The following COMMD1 variants were observed in gnomAD, a reference collection of about 807,000 sequenced individuals.
The protein encoded by COMMD1 is COMM domain-containing protein 1.
Under a neutral mutation model 17.2 loss-of-function variants are expected in COMMD1, and 10 were observed. The ratio of observed to expected loss-of-function variants is 0.58; its 90% confidence interval spans 0.36 to 0.99. The LOEUF is 0.99. Among genes scored for constraint, COMMD1 ranks in the 50% least tolerant of loss-of-function variants. COMMD1 has a pLI of 0.01. For synonymous variants in COMMD1, 97 were observed against 91.6 expected (o/e 1.06, Z -0.34); for missense variants, 270 against 231.8 (o/e 1.17, Z -1.07).
chr2:62,041,039 T>C (rs1264428845), intron 2 of COMMD1, among the ~76,000 whole-genome samples: 2 of 152,174 alleles, frequency 1.3e-5, no homozygotes, highest in African/African-American at 2.4e-5. Flanking sequence ...ACTGTTTTCC[T>C]CTTCACACTG....
Position 62,018,671 on chromosome 2 carries a change from G to C in COMMD1, c.462+17689G>C, listed in dbSNP as rs553806454. 3.3e-4 allele frequency among the ~76,000 whole-genome samples: 51 copies of C among 152,330 alleles called. 1 individual carries two copies. The South Asian group carries it at 0.01, about 30-fold the overall frequency. Reference sequence around the variant, plus strand: ...TGTACATTATGAAATGACCTTGACAGTCTTGAAGAATACTAGCCAAGTATC... The same window carrying C: ...TGTACATTATGAAATGACCTTGACACTCTTGAAGAATACTAGCCAAGTATC... On this transcript the variant is annotated intron_variant, in intron 2 of 2. Transcript: ENST00000311832.
At position 61,908,352 on chromosome 2, in the gene COMMD1, G is replaced by A. The variant is rs549546039; in HGVS notation, c.180+2494G>A. Among the ~76,000 whole-genome samples, 282 of 150,240 alleles carry A rather than the reference G, an allele frequency of 1.9e-3. 1 individual carries two copies. The highest frequency in any genetic ancestry group is 0.01 in the Middle Eastern group (3 of 292). On this transcript the variant is annotated intron_variant, in intron 1 of 2. Coordinates refer to ENST00000311832, the MANE Select transcript of COMMD1 (RefSeq NM_152516.4). ...AGTGATTCTCCTGCCTCAGCCTCCC[G>A]AGTAGCTGGGACTGCAGGCATGCAC... is the stretch of plus-strand genomic sequence containing the variant.
chr2:61,895,250 T>C (rs1669528701), intron 1 of COMMD1, among the ~76,000 whole-genome samples: 1 of 152,178 alleles, frequency 6.6e-6, no homozygotes, highest in Non-Finnish European at 1.5e-5. Context: ...CAATAGTTTT[T>C]AGCTTTTCAG....
intron 2 of COMMD1, among the ~76,000 whole-genome samples, chr2:62,010,845 T>G (rs1024944712): frequency 1.3e-5 from 2 of 152,244 alleles, no homozygotes; most frequent in Non-Finnish European, 2.9e-5. Context: ...TCTCTGTTTC[T>G]GCTTTTCAGT....
At chr2:61,889,463 A>C (rs1004046880) in intron 1 of COMMD1, among the ~76,000 whole-genome samples, 13 of 151,802 alleles carry the variant, frequency 8.6e-5, no homozygotes, top group African/African-American at 3.1e-4. Flanking sequence ...CACCCTCCTC[A>C]GCGTTTCAAA....
At chr2:62,073,937 T>C (rs1434871085) in intron 2 of COMMD1, among the ~76,000 whole-genome samples, 1 of 152,178 alleles carries the variant, frequency 6.6e-6, no homozygotes, top group Non-Finnish European at 1.5e-5. Flanking sequence ...CCTCAGGTGA[T>C]CCACCCGCCT....
intron 2 of COMMD1, among the ~76,000 whole-genome samples, chr2:62,045,479 T>TA (rs1240560317): frequency 1.3e-5 from 2 of 152,022 alleles, no homozygotes; most frequent in African/African-American, 4.8e-5. Context: ...TGATTAGTCT[T>TA]ACAAAGGCGG....
intron 2 of COMMD1, among the ~76,000 whole-genome samples, chr2:62,005,267 C>T (rs190856478): frequency 5.9e-5 from 9 of 152,146 alleles, no homozygotes; most frequent in African/African-American, 2.2e-4. Context: ...AACAAGAATT[C>T]AATATATGTT....
chr2:61,977,487 G>C lies in COMMD1; in HGVS notation c.181-23214G>C, dbSNP rs185653400. ...TCGAACTCCCAACCTCAGGTGATGT[G>C]CCCGCCTCGGCCTCCCAAAGTGCTG... On this transcript the variant is annotated intron_variant, in intron 1 of 2. Transcript: ENST00000311832. 4.8e-3 allele frequency among the ~76,000 whole-genome samples: 730 copies of C among 151,192 alleles called. 8 individuals are homozygous for C. The highest frequency in any genetic ancestry group is 0.016 in the African/African-American group (651 of 41,340).
intron 2 of COMMD1, among the ~76,000 whole-genome samples, chr2:62,020,505 T>G (rs2103854265): frequency 6.6e-6 from 1 of 152,330 alleles, no homozygotes; most frequent in Non-Finnish European, 1.5e-5. Flanking sequence ...CCTCTTTTCA[T>G]TTTGTACTAT....
At chr2:62,026,238 C>T (rs1429461489) in intron 2 of COMMD1, among the ~76,000 whole-genome samples, 1 of 152,128 alleles carries the variant, frequency 6.6e-6, no homozygotes, top group Non-Finnish European at 1.5e-5. Flanking sequence ...GTTTAATTGG[C>T]CTACAGTTCT....
chr2:61,908,892 A>G (rs1271425392), intron 1 of COMMD1, among the ~76,000 whole-genome samples: 1 of 152,068 alleles, frequency 6.6e-6, no homozygotes, highest in Non-Finnish European at 1.5e-5. Flanking sequence ...TTATGGAAAC[A>G]TAAAAAACAA....
At chr2:61,975,607 G>C (rs4129543) in intron 1 of COMMD1, among the ~76,000 whole-genome samples, 25 of 152,026 alleles carry the variant, frequency 1.6e-4, no homozygotes, top group African/African-American at 5.8e-4. Flanking sequence ...TTCTTTATAA[G>C]CACTGCTTTT....
At chr2:62,035,698 C>T (rs1356287329) in intron 2 of COMMD1, among the ~76,000 whole-genome samples, 6 of 147,840 alleles carry the variant, frequency 4.1e-5, no homozygotes, top group East Asian at 4.0e-4. Flanking sequence ...GTGATCATGC[C>T]AACTGCACTC....
intron 1 of COMMD1, among the ~76,000 whole-genome samples, chr2:61,980,837 A>G (rs1341192603): frequency 6.6e-6 from 1 of 152,158 alleles, no homozygotes; most frequent in Non-Finnish European, 1.5e-5. Context: ...GCCTATGGAT[A>G]TAAGTCATTT....
intron 2 of COMMD1, among the ~76,000 whole-genome samples, chr2:62,008,993 A>G (rs1408310361): frequency 6.6e-6 from 1 of 152,112 alleles, no homozygotes; most frequent in Non-Finnish European, 1.5e-5. Flanking sequence ...CATGTTGGCC[A>G]GGCTGGTCTT....
At chr2:62,060,913 C>G (rs1670838584) in intron 2 of COMMD1, among the ~76,000 whole-genome samples, 1 of 151,894 alleles carries the variant, frequency 6.6e-6, no homozygotes, top group African/African-American at 2.4e-5. Flanking sequence ...ATCTTTTTTT[C>G]TCTCTTTTCA....
At chr2:61,995,299 G>A (rs755842050) in intron 1 of COMMD1, among the ~76,000 whole-genome samples, 4 of 152,090 alleles carry the variant, frequency 2.6e-5, no homozygotes, top group Non-Finnish European at 5.9e-5. Flanking sequence ...CAGTTACCTA[G>A]CCTTTAGTGG....
chr2:62,015,308 C>A (rs1040082726), intron 2 of COMMD1, among the ~76,000 whole-genome samples: 1 of 152,190 alleles, frequency 6.6e-6, no homozygotes, highest in East Asian at 1.9e-4. Flanking sequence ...TTATTTTACA[C>A]ATAGTGTCTT....
Sources: allele counts gnomAD v4.1 joint callset (sites outside exome capture counted in the v4.1 genomes callset), GRCh38; gene constraint gnomAD v4.1.1; transcripts MANE v1.5; gene names NCBI Gene and HGNC (gene_info 2026-07-23, HGNC 2026-07-21).